The following LOXL2 variants were observed in gnomAD, a reference collection of about 807,000 sequenced individuals.
LOXL2 encodes lysyl oxidase like 2.
Under a neutral mutation model 93.0 loss-of-function variants are expected in LOXL2, and 70 were observed. The ratio of observed to expected loss-of-function variants is 0.75; its 90% CI spans 0.62 to 0.92. The LOEUF is 0.92. LOXL2 is among the 40% of genes least tolerant of loss of function. LOXL2 has a pLI of 0.00. For synonymous variants in LOXL2, 438 were observed against 413.2 expected (o/e 1.06, Z -0.73); for missense variants, 973 against 1,054.9 (o/e 0.92, Z 1.08).
chr8:23,301,888 A>T, intron 12 of LOXL2, 139 bp downstream of exon 12: 1 of 1,024,076 alleles, frequency 9.8e-7, no homozygotes, highest in East Asian at 2.6e-5. Flanking sequence ...ATGGACCGTG[A>T]TGGCCTCTGG....
chr8:23,334,701 C>G (rs1041670165), intron 4 of LOXL2, among the ~76,000 whole-genome samples: 1 of 151,294 alleles, frequency 6.6e-6, no homozygotes, highest in Non-Finnish European at 1.5e-5. Context: ...AAAACAGTAA[C>G]CAACTGATAA....
chr8:23,371,360 G>T (rs566386402), intron 1 of LOXL2, among the ~76,000 whole-genome samples: 166 of 152,306 alleles, frequency 1.1e-3, no homozygotes, highest in African/African-American at 3.7e-3. Flanking sequence ...GGAATGAAGA[G>T]TATGAAGTAG....
intron 4 of LOXL2, 76 bp from the exon 5 acceptor site, chr8:23,333,699 C>T: frequency 1.7e-6 from 2 of 1,174,458 alleles, no homozygotes; most frequent in Non-Finnish European, 1.2e-6. Flanking sequence ...CGAGGCAGAA[C>T]ATGAGAGACT....
intron 5 of LOXL2, among the ~76,000 whole-genome samples, chr8:23,332,575 C>G (rs1344208456): frequency 2.4e-5 from 3 of 123,002 alleles, no homozygotes; most frequent in Non-Finnish European, 5.1e-5. Context: ...CACACACCCA[C>G]GCACACATCC....
At chr8:23,347,320 A>T (rs955496325) in intron 3 of LOXL2, among the ~76,000 whole-genome samples, 2 of 151,778 alleles carry the variant, frequency 1.3e-5, no homozygotes, top group African/African-American at 2.4e-5. Flanking sequence ...TTGCGCCACT[A>T]CACTCCAGCT....
intron 12 of LOXL2, among the ~76,000 whole-genome samples, chr8:23,301,042 G>A (rs922388369): frequency 6.6e-6 from 1 of 152,226 alleles, no homozygotes; most frequent in Non-Finnish European, 1.5e-5. Flanking sequence ...GCCCCTCTGT[G>A]GTGACTTCTC....
Position 23,328,394 on chromosome 8 carries a change from G to A in LOXL2, c.1138C>T (p.Arg380Ter), listed in dbSNP as rs540457123. ...GSAKEAVTGS[R>*]LGQGIGPIHL... ...CCCCATTCCTTACCTTGCCCCAGTC[G>A]GGAGCCAGTGACTGCCTCTTTGGCA... Residue 380 changes from arginine (R) to a stop codon, truncating the protein, a stop_gained, in exon 6 of 14, where the codon CGA becomes TGA. Transcript: ENST00000389131. LOFTEE classifies it high-confidence loss of function. 8.1e-6 allele frequency: 13 copies of A among 1,613,750 alleles called. No individual in the cohort carries two copies. Among genetic ancestry groups the A allele is most frequent in the African/African-American group, 1.3e-5 (1 of 74,904 alleles).
intron 10 of LOXL2, among the ~76,000 whole-genome samples, chr8:23,304,149 C>T (rs940563930): frequency 2.0e-5 from 3 of 152,210 alleles, no homozygotes; most frequent in Non-Finnish European, 2.9e-5. Flanking sequence ...AAGGGAGGCA[C>T]GTCCCCGGGG....
intron 4 of LOXL2, among the ~76,000 whole-genome samples, chr8:23,339,335 C>G (rs762500135): frequency 3.3e-5 from 5 of 152,200 alleles, no homozygotes; most frequent in Non-Finnish European, 5.9e-5. Flanking sequence ...CCCACCACCC[C>G]CTCCTTGGAT....
chr8:23,352,027 G>C (rs1804102222), intron 3 of LOXL2, among the ~76,000 whole-genome samples: 1 of 149,820 alleles, frequency 6.7e-6, no homozygotes, highest in African/African-American at 2.5e-5. Context: ...TGGCCAGGCT[G>C]GTCTCGAACT....
At chr8:23,324,521 C>A (rs1328927987) in intron 6 of LOXL2, among the ~76,000 whole-genome samples, 1 of 152,160 alleles carries the variant, frequency 6.6e-6, no homozygotes, top group Non-Finnish European at 1.5e-5. Flanking sequence ...TGTCTGTGGA[C>A]TTCTGGTTCC....
At chr8:23,337,890 T>G (rs1414863522) in intron 4 of LOXL2, among the ~76,000 whole-genome samples, 1 of 152,232 alleles carries the variant, frequency 6.6e-6, no homozygotes, top group Non-Finnish European at 1.5e-5. Flanking sequence ...GGCAAGCCTG[T>G]GGCTGCAGAG....
intron 1 of LOXL2, among the ~76,000 whole-genome samples, chr8:23,387,633 A>C (rs28375021): frequency 0.028 from 4,338 of 152,242 alleles, 229 homozygotes; most frequent in African/African-American, 0.099. Context: ...TCATCTACCA[A>C]ATGGAAACAA....
At position 23,297,889 on chromosome 8, in the gene LOXL2, C is replaced by G; in HGVS notation, c.*154G>C. The G allele has an allele frequency of 1.6e-6, 1 of 606,598 alleles. No homozygotes were observed. Among genetic ancestry groups the G allele is most frequent in the East Asian group, 2.9e-5 (1 of 35,040 alleles). 37.6% of individuals were successfully genotyped at this position (606,598 alleles called of 1,614,324 possible). A position where few individuals can be genotyped will look rare whatever the true frequency, so the allele number is the denominator to read the frequency against. On this transcript the variant is annotated 3_prime_UTR_variant, in exon 14 of 14. Transcript: ENST00000389131. Reference sequence around the variant, plus strand: ...CCATGAATGATGGGAGGGTCCCTTTCCTCCTGAGCTTAGACACAGCTGTAG... The same window carrying G: ...CCATGAATGATGGGAGGGTCCCTTTGCTCCTGAGCTTAGACACAGCTGTAG...
intron 12 of LOXL2, among the ~76,000 whole-genome samples, chr8:23,299,779 G>A (rs60275581): frequency 0.032 from 4,882 of 152,262 alleles, 273 homozygotes; most frequent in African/African-American, 0.11. Context: ...CAGGCTGCTC[G>A]TTCAGGAACA....
At chr8:23,394,937 A>G (rs1800069795) in intron 1 of LOXL2, among the ~76,000 whole-genome samples, 1 of 152,222 alleles carries the variant, frequency 6.6e-6, no homozygotes, top group African/African-American at 2.4e-5. Flanking sequence ...CATAAAAAGT[A>G]ACGAGATACT....
chr8:23,352,873 G>A (rs2117196463), intron 3 of LOXL2, among the ~76,000 whole-genome samples: 1 of 151,994 alleles, frequency 6.6e-6, no homozygotes, highest in East Asian at 1.9e-4. Flanking sequence ...GGAAACTGAG[G>A]CTTGGAGGTC....
chr8:23,301,428 G>A (rs1255343589), intron 12 of LOXL2, among the ~76,000 whole-genome samples: 2 of 152,114 alleles, frequency 1.3e-5, no homozygotes, highest in Non-Finnish European at 2.9e-5. Context: ...AACAAATCTC[G>A]GCAACCCCTC....
chr8:23,368,130 C>T lies in LOXL2; in HGVS notation c.222G>A (p.Val74=), dbSNP rs1256360420. Residue 74 remains valine (V), a synonymous_variant, in exon 2 of 14, where the codon GTG becomes GTA. Transcript: ENST00000389131. ...CGGTGCCCCACTGGCCATCATAGTACACCTCCACCCGGCCCTCGCTGTGCT... is the reference window on the plus strand; with the variant it reads ...CGGTGCCCCACTGGCCATCATAGTATACCTCCACCCGGCCCTCGCTGTGCT... ...KRKHSEGRVE[V]YYDGQWGTVC... is the part of the protein sequence containing the mutation. 8.1e-6 allele frequency: 13 copies of T among 1,614,010 alleles called. No homozygotes were observed. Among genetic ancestry groups the T allele is most frequent in the Non-Finnish European group, 1.1e-5 (13 of 1,180,038 alleles).
Sources: allele counts gnomAD v4.1 joint callset (sites outside exome capture counted in the v4.1 genomes callset), GRCh38; gene constraint gnomAD v4.1.1; transcripts MANE v1.5; gene names NCBI Gene and HGNC (gene_info 2026-07-23, HGNC 2026-07-21).